The following SUMF1 variants were observed in gnomAD, a reference collection of about 807,000 sequenced individuals.
SUMF1 encodes the protein formylglycine-generating enzyme.
In SUMF1, 48 loss-of-function variants were observed where a neutral mutation model predicts 47.6. The observed-to-expected ratio is 1.01, with a 90% CI of 0.80 to 1.28. SUMF1 has a LOEUF of 1.28. Among genes scored for constraint, SUMF1 ranks in the 50% most tolerant of loss-of-function variants. The probability of loss-of-function intolerance (pLI) is 0.00; values close to 1 mark genes in which losing one functional copy is unlikely to be tolerated. For missense variants in SUMF1, 571 were observed against 485.4 expected (o/e 1.18, Z -1.66); for synonymous variants, 230 against 192.1 (o/e 1.20, Z -1.63).
chr3:4,096,729 C>G (rs1692914000), intron 8 of SUMF1, among the ~76,000 whole-genome samples: 1 of 152,080 alleles, frequency 6.6e-6, no homozygotes, highest in Non-Finnish European at 1.5e-5. Context: ...CTGGTGGTAT[C>G]TTAGTCGAGG....
At chr3:4,211,202 ACAT>A (rs1695783724) in intron 8 of SUMF1, among the ~76,000 whole-genome samples, 11 of 86,250 alleles carry the variant, frequency 1.3e-4, no homozygotes, top group African/African-American at 5.3e-4. Context: ...ATACATACAT[ACAT>A]ATATATATAT....
intron 8 of SUMF1, among the ~76,000 whole-genome samples, chr3:4,363,629 A>C (rs1436699619): frequency 6.6e-6 from 1 of 151,676 alleles, no homozygotes; most frequent in Non-Finnish European, 1.5e-5. Context: ...TTGGGCTGAC[A>C]CAATGGGGTT....
At chr3:4,051,952 G>C (rs1695120382) in intron 9 of SUMF1, among the ~76,000 whole-genome samples, 1 of 152,054 alleles carries the variant, frequency 6.6e-6, no homozygotes, top group Non-Finnish European at 1.5e-5. Flanking sequence ...AACAACCATA[G>C]GGCACTTTGA....
chr3:4,203,396 T>G (rs1426509380), intron 8 of SUMF1, among the ~76,000 whole-genome samples: 1 of 152,040 alleles, frequency 6.6e-6, no homozygotes, highest in Non-Finnish European at 1.5e-5. Flanking sequence ...AATATAAATA[T>G]AGCTACTCCT....
chr3:4,428,862 T>A (rs1702148163), intron 3 of SUMF1, among the ~76,000 whole-genome samples: 1 of 152,260 alleles, frequency 6.6e-6, no homozygotes, highest in African/African-American at 2.4e-5. Flanking sequence ...TCCAGCTTCA[T>A]CAGTAAGCAT....
intron 8 of SUMF1, among the ~76,000 whole-genome samples, chr3:4,321,194 CAGA>C (rs1010984121): frequency 6.6e-6 from 1 of 152,006 alleles, no homozygotes; most frequent in African/African-American, 2.4e-5. Context: ...AGTATAGATA[CAGA>C]AGGTTACATA....
intron 8 of SUMF1, among the ~76,000 whole-genome samples, chr3:4,192,903 G>A (rs1695351132): frequency 6.6e-6 from 1 of 152,252 alleles, no homozygotes; most frequent in South Asian, 2.1e-4. Context: ...GATGGGCCCT[G>A]CTTCCAAAAG....
At chr3:4,177,618 C>T (rs1039964100) in intron 8 of SUMF1, among the ~76,000 whole-genome samples, 1 of 152,002 alleles carries the variant, frequency 6.6e-6, no homozygotes, top group African/African-American at 2.4e-5. Context: ...CCTAATATCA[C>T]AATTAAAAGA....
chr3:4,231,870 A>G (rs1444507537), intron 8 of SUMF1, among the ~76,000 whole-genome samples: 1 of 152,200 alleles, frequency 6.6e-6, no homozygotes. Flanking sequence ...TAAAGAATGT[A>G]TCAACTCTCA....
chr3:4,177,463 C>T (rs1478606589), intron 8 of SUMF1, among the ~76,000 whole-genome samples: 1 of 152,070 alleles, frequency 6.6e-6, no homozygotes, highest in Non-Finnish European at 1.5e-5. Context: ...GAAATGAAGG[C>T]ACAAATAAAG....
chr3:4,230,370 A>G (rs1370169315), intron 8 of SUMF1, among the ~76,000 whole-genome samples: 1 of 152,170 alleles, frequency 6.6e-6, no homozygotes, highest in Non-Finnish European at 1.5e-5. Flanking sequence ...TGTCTTGGCA[A>G]CAAAAGAAGA....
chr3:4,442,651 A>AAAAAAAAAAAAAG (rs1416742068), intron 3 of SUMF1, among the ~76,000 whole-genome samples: 2 of 33,924 alleles, frequency 5.9e-5, no homozygotes, highest in Non-Finnish European at 2.0e-4. Flanking sequence ...AAAAAAAAAA[A>AAAAAAAAAAAAAG]AGAGAGAGAA....
In SUMF1 at chr3:4,235,632, T is replaced by C. The variant is rs115830932; in HGVS notation, c.1014+140698A>G. On this transcript the variant is annotated intron_variant and NMD_transcript_variant, in intron 8 of 12. Coordinates refer to the SUMF1 transcript ENST00000448413. ...AGATATATCATAAAACCAAATGTAT[T>C]ACCTCTATGTACTTACAAGGGAACA... is the stretch of plus-strand genomic sequence containing the variant. 9.4e-3 allele frequency among the ~76,000 whole-genome samples: 1,431 copies of C among 152,220 alleles called. 24 individuals are homozygous for C. The highest frequency in any genetic ancestry group is 0.033 in the African/African-American group (1,362 of 41,550).
intron 8 of SUMF1, among the ~76,000 whole-genome samples, chr3:4,221,060 G>T (rs946932030): frequency 1.3e-5 from 2 of 152,114 alleles, no homozygotes; most frequent in African/African-American, 4.8e-5. Context: ...GTAAGGGAGA[G>T]ACATGTTAAA....
At chr3:4,079,066 G>C (rs1377931439) in intron 8 of SUMF1, among the ~76,000 whole-genome samples, 1 of 152,044 alleles carries the variant, frequency 6.6e-6, no homozygotes, top group Non-Finnish European at 1.5e-5. Context: ...GTACCTCAGA[G>C]CAGTTCTGCG....
At position 4,255,326 on chromosome 3, in the gene SUMF1, G is replaced by C. The variant is rs1490168720; in HGVS notation, c.1014+121004C>G. 9.9e-5 allele frequency among the ~76,000 whole-genome samples: 9 copies of C among 91,170 alleles called. No individual in the cohort carries two copies. The East Asian group carries it at 2.2e-3, about 22-fold the overall frequency. The allele number at this position is 91,170 out of a possible 152,430, so 59.8% of individuals were successfully genotyped here. A position where few individuals can be genotyped will look rare whatever the true frequency, so the allele number is the denominator to read the frequency against. ...TTAAAAGACACAGACTGGCAAATTG[G>C]ATAAAGAGTCAAGACCCATCAGTGT... On this transcript the variant is annotated intron_variant and NMD_transcript_variant, in intron 8 of 12. Transcript: ENST00000448413.
At chr3:4,113,960 G>C (rs1158707147) in intron 8 of SUMF1, among the ~76,000 whole-genome samples, 2 of 152,062 alleles carry the variant, frequency 1.3e-5, no homozygotes. Flanking sequence ...ATAGAAGAGA[G>C]CAAACAGAAA....
chr3:4,420,523 A>G (rs532155310), intron 3 of SUMF1, among the ~76,000 whole-genome samples: 6 of 151,610 alleles, frequency 4.0e-5, no homozygotes, highest in African/African-American at 1.5e-4. Flanking sequence ...CAGCTTCCCG[A>G]GTAGCTGGGA....
chr3:4,447,320 G>A (rs1431022339), intron 3 of SUMF1, among the ~76,000 whole-genome samples: 2 of 152,106 alleles, frequency 1.3e-5, no homozygotes, highest in Non-Finnish European at 2.9e-5. Flanking sequence ...ACACTTCCAA[G>A]GCCTCTTCTA....
Sources: allele counts gnomAD v4.1 joint callset (sites outside exome capture counted in the v4.1 genomes callset), GRCh38; gene constraint gnomAD v4.1.1; transcripts MANE v1.5; gene names NCBI Gene and HGNC (gene_info 2026-07-23, HGNC 2026-07-21).